PRDX4: variants seen among roughly 807,000 people sequenced by gnomAD.
PRDX4 encodes the protein peroxiredoxin-4.
A neutral mutation model predicts 20.5 loss-of-function variants in PRDX4; 12 were observed. The observed-to-expected ratio is 0.58, with a 90% CI of 0.37 to 0.95. The LOEUF (loss-of-function observed/expected upper bound fraction) is 0.95, where lower values mean the gene tolerates loss of function less well. Ranked by LOEUF, PRDX4 falls within the 40% of genes least tolerant of loss-of-function variation. The pLI, the probability that PRDX4 is intolerant of heterozygous loss-of-function variation, is 0.01. For synonymous variants in PRDX4, 99 were observed against 87.5 expected (o/e 1.13, Z -0.73); for missense variants, 180 against 207.3 (o/e 0.87, Z 0.81).
intron 1 of PRDX4, 134 bp from the exon 2 acceptor site, chrX:23,671,395 A>G (rs931469270): frequency 2.2e-6 from 1 of 452,184 alleles, no homozygotes; most frequent in Admixed American, 4.2e-5. Context: ...TCTTTTAAGA[A>G]GTCTGTAAGC....
intron 6 of PRDX4, chrX:23,686,065 T>C (rs1928178574): frequency 6.5e-6 from 3 of 459,409 alleles, no homozygotes; most frequent in African/African-American, 4.8e-5. Flanking sequence ...AGTTTTGGGG[T>C]GCTTGAGTAC....
intron 2 of PRDX4, 134 bp from the exon 3 acceptor site, chrX:23,674,856 G>T: frequency 1.1e-6 from 1 of 891,042 alleles, no homozygotes; most frequent in Non-Finnish European, 1.5e-6. Context: ...ACTCCATTTT[G>T]AAAAGGTTCA....
chrX:23,672,611 A>C (rs1927869592), intron 2 of PRDX4, among the ~76,000 whole-genome samples: 1 of 112,392 alleles, frequency 8.9e-6, no homozygotes, highest in Admixed American at 9.4e-5. Flanking sequence ...AGAGACCAAA[A>C]AGAGTTATGT....
intron 2 of PRDX4, among the ~76,000 whole-genome samples, chrX:23,673,050 T>TA (rs1185602419): frequency 2.7e-5 from 3 of 112,242 alleles, no homozygotes; most frequent in Non-Finnish European, 5.6e-5. Flanking sequence ...TCAGTAGACA[T>TA]AAAAAATGAC....
At chrX:23,685,401 C>T (rs1928163406) in intron 6 of PRDX4, among the ~76,000 whole-genome samples, 2 of 111,988 alleles carry the variant, frequency 1.8e-5, no homozygotes, top group African/African-American at 3.2e-5. Context: ...CTATAAGCCT[C>T]ATAATCAACA....
Position 23,679,300 on chromosome X carries a change from G to A in PRDX4, c.599+13G>A. On this transcript the variant is annotated intron_variant, in intron 4 of 6. Coordinates refer to ENST00000379341, the MANE Select transcript of PRDX4 (RefSeq NM_006406.2). ...GCCACACTCTTAGGTACCTTTCAGT[G>A]GTTTTATATTATGACAAATCCAAGC... is the stretch of plus-strand genomic sequence containing the variant. The A allele has an allele frequency of 8.5e-7, 1 of 1,178,816 alleles. No individual in the cohort carries two copies. The highest frequency in any genetic ancestry group is 1.9e-5 in the South Asian group (1 of 52,465).
At chrX:23,681,902 G>A (rs74803707) in intron 4 of PRDX4, among the ~76,000 whole-genome samples, 92 of 111,111 alleles carry the variant, frequency 8.3e-4, no homozygotes, top group Non-Finnish European at 1.3e-3. Flanking sequence ...TTAGCTGGGC[G>A]TGGTGGCACA....
intron 2 of PRDX4, among the ~76,000 whole-genome samples, chrX:23,673,629 G>A (rs761359769): frequency 9.1e-6 from 1 of 110,102 alleles, no homozygotes; most frequent in Non-Finnish European, 1.9e-5. Context: ...GGTGGTGGGC[G>A]TTTGTAGTCC....
intron 6 of PRDX4, among the ~76,000 whole-genome samples, chrX:23,684,047 CA>C (rs3063544): frequency 0.039 from 2,267 of 58,170 alleles, 96 homozygotes; most frequent in African/African-American, 0.15. Context: ...GACTCCTTCT[CA>C]AAAAAAAAAA....
At chrX:23,673,482 GTGGCTCACGCCTGTAATCCCAGCACTT>G (rs1167557213) in intron 2 of PRDX4, among the ~76,000 whole-genome samples, 1 of 112,846 alleles carries the variant, frequency 8.9e-6, no homozygotes, top group Non-Finnish European at 1.9e-5. Flanking sequence ...GCTGGGTGCA[GTGGCTCACGCCTGTAATCCCAGCACTT>G]TGGGAGGCCA....
intron 3 of PRDX4, among the ~76,000 whole-genome samples, chrX:23,675,637 C>G (rs1927931522): frequency 8.9e-6 from 1 of 112,205 alleles, no homozygotes; most frequent in Admixed American, 9.5e-5. Flanking sequence ...TTTTCCCTGT[C>G]TGGTTGGCCA....
intron 6 of PRDX4, chrX:23,685,998 T>C (rs1229252564): frequency 2.5e-6 from 1 of 400,541 alleles, no homozygotes; most frequent in South Asian, 2.8e-5. Flanking sequence ...TTTGACTTAA[T>C]TAGATCAAAC....
At chrX:23,672,886 T>G (rs1031825268) in intron 2 of PRDX4, among the ~76,000 whole-genome samples, 2 of 112,129 alleles carry the variant, frequency 1.8e-5, no homozygotes, top group Non-Finnish European at 3.8e-5. Context: ...GGAAGAATTC[T>G]CATGAAAATT....
At chrX:23,682,853 A>AAT (rs1173209030) in intron 5 of PRDX4, among the ~76,000 whole-genome samples, 1,286 of 14,798 alleles carry the variant, frequency 0.087, 101 homozygotes, top group Non-Finnish European at 0.1. Context: ...AAAAAAAAAA[A>AAT]ATATATATAT....
intron 3 of PRDX4, among the ~76,000 whole-genome samples, chrX:23,678,733 G>C (rs1198989273): frequency 9.0e-6 from 1 of 111,486 alleles, no homozygotes; most frequent in East Asian, 2.8e-4. Flanking sequence ...CCAGGAGTTC[G>C]AGACCAGCCT....
At chrX:23,669,536 T>C (rs1181853464) in intron 1 of PRDX4, among the ~76,000 whole-genome samples, 1 of 111,634 alleles carries the variant, frequency 9.0e-6, no homozygotes, top group Non-Finnish European at 1.9e-5. Flanking sequence ...TTTTTAGTAA[T>C]ATCAAAAACT....
intron 1 of PRDX4, 72 bp downstream of exon 1, chrX:23,667,883 A>ATCTGGGC: frequency 8.5e-7 from 1 of 1,175,490 alleles, no homozygotes; most frequent in Non-Finnish European, 1.1e-6. Flanking sequence ...CACCCCCGGA[A>ATCTGGGC]TCTGGGCTTG....
chrX:23,670,176 A>G (rs898764285), intron 1 of PRDX4, among the ~76,000 whole-genome samples: 34 of 111,794 alleles, frequency 3.0e-4, no homozygotes, highest in South Asian at 2.2e-3. Flanking sequence ...TCTTAACCAA[A>G]TATTTCCAAA....
intron 6 of PRDX4, 102 bp from the exon 7 acceptor site, chrX:23,686,183 A>G: frequency 3.4e-6 from 2 of 580,793 alleles, no homozygotes; most frequent in South Asian, 3.6e-5. Flanking sequence ...CTGATATACA[A>G]AAATAATTTT....
Sources: allele counts gnomAD v4.1 joint callset (sites outside exome capture counted in the v4.1 genomes callset), GRCh38; gene constraint gnomAD v4.1.1; transcripts MANE v1.5; gene names NCBI Gene and HGNC (gene_info 2026-07-23, HGNC 2026-07-21).